EYA2: variants seen among roughly 807,000 people sequenced by gnomAD.
EYA2 encodes protein phosphatase EYA2.
Under a neutral mutation model 69.2 loss-of-function variants are expected in EYA2, and 31 were observed. The observed-to-expected ratio is 0.45, with a 90% CI of 0.34 to 0.60. EYA2 has a LOEUF of 0.60. Among genes scored for constraint, EYA2 ranks in the 20% least tolerant of loss-of-function variants. The pLI, the probability that EYA2 is intolerant of heterozygous loss-of-function variation, is 0.02. For missense variants in EYA2, 622 were observed against 701.2 expected, an observed-to-expected ratio of 0.89 and a Z score of 1.28; for synonymous variants, 257 against 279.4, an observed-to-expected ratio of 0.92 and a Z score of 0.80.
At chr20:47,061,534 GA>G (rs200501954) in intron 5 of EYA2, among the ~76,000 whole-genome samples, 60 of 146,466 alleles carry the variant, frequency 4.1e-4, no homozygotes, top group East Asian at 1.8e-3. Context: ...TGTCTCAACT[GA>G]AAAAAAAAAA....
At chr20:47,187,233 G>A (rs1224255546) in intron 15 of EYA2, among the ~76,000 whole-genome samples, 1 of 151,720 alleles carries the variant, frequency 6.6e-6, no homozygotes. Context: ...GCCAGATGTG[G>A]TGGCATGCAT....
At chr20:47,019,971 T>A (rs149945394) in intron 5 of EYA2, among the ~76,000 whole-genome samples, 7 of 133,010 alleles carry the variant, frequency 5.3e-5, no homozygotes, top group Non-Finnish European at 4.7e-5. Flanking sequence ...ACCCTATCTT[T>A]AAAAAAAAAA....
At chr20:47,131,973 G>A (rs1408416331) in intron 9 of EYA2, among the ~76,000 whole-genome samples, 5 of 152,128 alleles carry the variant, frequency 3.3e-5, no homozygotes, top group Non-Finnish European at 7.4e-5. Flanking sequence ...CTTAGATTTT[G>A]TTTTTGTCTT....
intron 1 of EYA2, among the ~76,000 whole-genome samples, chr20:46,987,964 C>CTCTCTATATATA (rs1555809797): frequency 1.8e-4 from 2 of 11,272 alleles, no homozygotes; most frequent in Admixed American, 1.5e-3. Context: ...CTCTCTCTCT[C>CTCTCTATATATA]TATATATATA....
At chr20:47,115,531 ACT>A in intron 9 of EYA2, among the ~76,000 whole-genome samples, 1 of 151,624 alleles carries the variant, frequency 6.6e-6, no homozygotes, top group East Asian at 1.9e-4. Flanking sequence ...TGCTCACGTA[ACT>A]CTCTTAACTG....
At chr20:47,120,461 G>A (rs951286698) in intron 9 of EYA2, among the ~76,000 whole-genome samples, 4 of 152,222 alleles carry the variant, frequency 2.6e-5, no homozygotes, top group Non-Finnish European at 4.4e-5. Flanking sequence ...GGGTAGTCAC[G>A]TTTTGTTAGA....
In EYA2 at chr20:47,180,934, CAGGT is replaced by C. The variant is rs1303976138; in HGVS notation, c.1435+2_1435+5del. 1 of 1,613,578 alleles carries C rather than the reference CAGGT, an allele frequency of 6.2e-7. No homozygotes were observed. The highest frequency in any genetic ancestry group is 1.3e-5 in the African/African-American group (1 of 74,904). On this transcript the variant is annotated splice_donor_variant and coding_sequence_variant, in exon 14 of 16. Coordinates refer to ENST00000327619, the MANE Select transcript of EYA2 (RefSeq NM_005244.5). LOFTEE classifies it high-confidence loss of function. ...GAGAACATCTACAGTGCAACCAAGA[CAGGT>C]AGGGAGAAGCCACACCTCGGCGGGG...
intron 9 of EYA2, among the ~76,000 whole-genome samples, chr20:47,107,525 C>CAAAA (rs111607473): frequency 5.6e-5 from 7 of 125,244 alleles, no homozygotes; most frequent in East Asian, 2.4e-4. Flanking sequence ...GACTCTGTAT[C>CAAAA]AAAAAAAAAA....
chr20:46,915,836 C>T (rs777901877), intron 1 of EYA2, among the ~76,000 whole-genome samples: 2 of 152,056 alleles, frequency 1.3e-5, no homozygotes, highest in Non-Finnish European at 2.9e-5. Context: ...CACCACAGTC[C>T]CCGCCCCTCC....
intron 9 of EYA2, among the ~76,000 whole-genome samples, chr20:47,108,410 T>TCGCC (rs2032652435): frequency 6.6e-6 from 1 of 152,162 alleles, no homozygotes; most frequent in Admixed American, 6.5e-5. Flanking sequence ...GCCTGAGGCC[T>TCGCC]CACCAGATGC....
intron 1 of EYA2, among the ~76,000 whole-genome samples, chr20:46,934,104 C>T (rs1227205121): frequency 1.3e-5 from 2 of 152,144 alleles, no homozygotes; most frequent in Admixed American, 6.5e-5. Context: ...AAGCATGGCT[C>T]GGAGGCACTG....
At position 46,990,084 on chromosome 20, in the gene EYA2, C is replaced by T; in HGVS notation, c.74C>T (p.Ala25Val). The T allele has an allele frequency of 6.2e-7, 1 of 1,612,166 alleles. No individual in the cohort carries two copies. The highest frequency in any genetic ancestry group is 8.5e-7 in the Non-Finnish European group (1 of 1,178,292). Residue 25 changes from alanine to valine, a missense_variant, in exon 2 of 16, where the codon GCT (alanine) becomes GTT (valine). This residue lies in a region of EYA2 where 365 missense variants were observed against 349.7 expected (regional missense o/e 1.04). Coordinates refer to ENST00000327619, the MANE Select transcript of EYA2 (RefSeq NM_005244.5). Reference sequence around the variant, plus strand: ...CTGGATAAACTGAAGTTTAACCGTGCTGACGCTGCTGTGTGGACTCTGAGT... The same window carrying T: ...CTGGATAAACTGAAGTTTAACCGTGTTGACGCTGCTGTGTGGACTCTGAGT... ...DCLDKLKFNRADAAVWTLSDR... is the reference protein window; with the variant it reads ...DCLDKLKFNRVDAAVWTLSDR...
intron 1 of EYA2, among the ~76,000 whole-genome samples, chr20:46,910,549 A>G (rs1984594519): frequency 6.6e-6 from 1 of 152,218 alleles, no homozygotes; most frequent in African/African-American, 2.4e-5. Context: ...GCTGGGCTTC[A>G]GAGGATAAGT....
intron 5 of EYA2, among the ~76,000 whole-genome samples, chr20:47,046,293 A>G (rs917093455): frequency 4.6e-5 from 7 of 152,202 alleles, no homozygotes; most frequent in Non-Finnish European, 1.0e-4. Flanking sequence ...CTTTCATGTT[A>G]GGAATTAGCT....
rs118119910 is a variant in EYA2 at position 47,161,881 on chromosome 20, C to T, written c.979-7258C>T. 1.2e-3 allele frequency among the ~76,000 whole-genome samples: 183 copies of T among 152,370 alleles called. 1 individual carries two copies. In the East Asian group the frequency reaches 0.025, roughly 21 times the overall value. ...GGGTGCTGGCTCCTCTTCCCCTCGC[C>T]TTGGGCACATCTGAGTTTGCTTGGG... On this transcript the variant is annotated intron_variant, in intron 10 of 15. Transcript: ENST00000327619.
chr20:47,012,738 C>A (rs1983147790), intron 4 of EYA2, among the ~76,000 whole-genome samples: 1 of 152,212 alleles, frequency 6.6e-6, no homozygotes, highest in Admixed American at 6.5e-5. Flanking sequence ...AAGTGATCCA[C>A]CCACCTCAGC....
intron 1 of EYA2, among the ~76,000 whole-genome samples, chr20:46,966,086 T>C (rs1979760726): frequency 6.6e-6 from 1 of 152,244 alleles, no homozygotes; most frequent in Non-Finnish European, 1.5e-5. Context: ...GAGTATAAAC[T>C]GTTCTTAACA....
At chr20:47,056,518 C>T (rs748447622) in intron 5 of EYA2, among the ~76,000 whole-genome samples, 1 of 152,154 alleles carries the variant, frequency 6.6e-6, no homozygotes, top group Non-Finnish European at 1.5e-5. Flanking sequence ...AACATGTACT[C>T]GATGCTGGGC....
intron 1 of EYA2, among the ~76,000 whole-genome samples, chr20:46,940,668 G>C (rs1002544650): frequency 2.0e-5 from 3 of 152,188 alleles, no homozygotes; most frequent in Non-Finnish European, 4.4e-5. Context: ...GTTCTGTTCT[G>C]TGAGAGTGGC....
Sources: gnomAD v4.1 joint callset for allele counts (sites outside exome capture counted in the v4.1 genomes callset) on GRCh38, gnomAD v4.1.1 for gene constraint, gnomAD v4.1.1 regional missense constraint, MANE v1.5 for transcripts, NCBI Gene and HGNC (gene_info 2026-07-23, HGNC 2026-07-21) for gene names.